PSME3IP1: variants seen among roughly 807,000 people sequenced by gnomAD.
PSME3IP1 encodes the protein proteasome activator subunit 3 interacting protein 1.
PSME3IP1 carries 13 observed loss-of-function variants against 34.1 expected under a neutral mutation model. That is an observed-to-expected ratio of 0.38 (90% CI 0.25 to 0.61). PSME3IP1 has a LOEUF of 0.61. Among genes scored for constraint, PSME3IP1 ranks in the 20% least tolerant of loss-of-function variants. The pLI, the probability that PSME3IP1 is intolerant of heterozygous loss-of-function variation, is 0.60. For missense variants in PSME3IP1, 237 were observed against 301.4 expected (o/e 0.79, Z 1.58); for synonymous variants, 93 against 114.3 (o/e 0.81, Z 1.19).
intron 6 of PSME3IP1, among the ~76,000 whole-genome samples, chr16:57,157,221 G>A (rs2070642003): frequency 6.6e-6 from 1 of 151,196 alleles, no homozygotes; most frequent in Non-Finnish European, 1.5e-5. Context: ...AGGTAGGTAG[G>A]AGGACCACTT....
chr16:57,164,055 C>T lies in PSME3IP1; in HGVS notation c.493G>A (p.Gly165Ser). The T allele has an allele frequency of 1.2e-6, 2 of 1,614,096 alleles. No homozygotes were observed. The highest frequency in any genetic ancestry group is 1.1e-5 in the South Asian group (1 of 91,084). The change falls in exon 6 of 7, where the codon GGC (glycine) becomes AGC (serine). Residue 165 changes from glycine (G) to serine (S), a missense_variant. Gly to Ser is a moderately conservative substitution (Grantham distance 56). Coordinates refer to ENST00000309137, the MANE Select transcript of PSME3IP1 (RefSeq NM_024946.4). ...GAVKHKSSES[G>S]NSVKRLKPDP... ...GGTTTCAGTCTTTTCACACTGTTGC[C>T]ACTCTCTGAGCTGTAACAAAACACA...
At chr16:57,161,960 A>C (rs1231137905) in intron 6 of PSME3IP1, among the ~76,000 whole-genome samples, 90 of 152,148 alleles carry the variant, frequency 5.9e-4, no homozygotes, top group Non-Finnish European at 1.5e-5. Flanking sequence ...GCTGGAGAGC[A>C]ATGGTGCAAT....
chr16:57,156,992 T>G (rs759392110), intron 6 of PSME3IP1, among the ~76,000 whole-genome samples: 1 of 152,160 alleles, frequency 6.6e-6, no homozygotes, highest in Non-Finnish European at 1.5e-5. Flanking sequence ...AGTTAAGTAA[T>G]GGACTACTAT....
intron 1 of PSME3IP1, 41 bp downstream of exon 1, chr16:57,185,780 C>G: frequency 5.1e-6 from 5 of 985,490 alleles, no homozygotes; most frequent in Non-Finnish European, 6.0e-6. Context: ...GAAGCTGGAA[C>G]CCAGGTGTCG....
chr16:57,166,966 G>A (rs2071951010), intron 5 of PSME3IP1, 127 bp downstream of exon 5: 1 of 1,028,410 alleles, frequency 9.7e-7, no homozygotes, highest in Non-Finnish European at 1.5e-6. Flanking sequence ...GGGAGAGATA[G>A]GTGAGCACAC....
At chr16:57,184,842 C>T (rs2074024195) in intron 1 of PSME3IP1, among the ~76,000 whole-genome samples, 1 of 152,222 alleles carries the variant, frequency 6.6e-6, no homozygotes, top group South Asian at 2.1e-4. Flanking sequence ...AATCGGGCAG[C>T]CTCTACTTTC....
intron 1 of PSME3IP1, chr16:57,185,578 C>T: frequency 2.0e-6 from 2 of 985,568 alleles, no homozygotes; most frequent in African/African-American, 1.7e-5. Flanking sequence ...CATTAAACGC[C>T]CGGCAGTGTT....
At chr16:57,186,099 G>C, upstream of PSME3IP1, 1 of 985,522 alleles carries the variant, frequency 1.0e-6, no homozygotes, top group Non-Finnish European at 1.2e-6. Flanking sequence ...CTCCCCGGGA[G>C]CCCGATGGAA....
In PSME3IP1 at chr16:57,182,077, C is replaced by G. The variant is rs2073768318; in HGVS notation, c.-16+3744G>C. ...ACCCTCTAATCCTGCCTGGGTCTTT[C>G]AAGTGACCAGCCCCCATGCTAAAGT... On this transcript the variant is annotated intron_variant, in intron 1 of 6. Transcript: ENST00000309137. Among the ~76,000 whole-genome samples, 4 of 152,286 alleles carry G rather than the reference C, an allele frequency of 2.6e-5. No homozygotes were observed. The South Asian group carries it at 8.3e-4, about 32-fold the overall frequency.
chr16:57,154,164 A>G lies in PSME3IP1; in HGVS notation c.*126T>C. The G allele has an allele frequency of 1.3e-6, 1 of 760,014 alleles. No individual in the cohort carries two copies. The highest frequency in any genetic ancestry group is 1.8e-5 in the South Asian group (1 of 54,324). 47.1% of individuals were successfully genotyped at this position (760,014 alleles called of 1,614,324 possible). A position where few individuals can be genotyped will look rare whatever the true frequency, so the allele number is the denominator to read the frequency against. ...GGCACATTTTTAGATTGGATTGGTT[A>G]AAAATGTCATGTTGTACACAGGATG... is the stretch of plus-strand genomic sequence containing the variant. On this transcript the variant is annotated 3_prime_UTR_variant, in exon 7 of 7. Coordinates refer to ENST00000309137, the MANE Select transcript of PSME3IP1 (RefSeq NM_024946.4). The surrounding 1 kb of genome is among the most constrained non-coding windows in gnomAD (Gnocchi z 4.0).
chr16:57,163,918 T>C, intron 6 of PSME3IP1, 83 bp downstream of exon 6: 1 of 1,336,624 alleles, frequency 7.5e-7, no homozygotes, highest in South Asian at 1.2e-5. Context: ...AATGCATTCA[T>C]TTGCAGAAGC....
chr16:57,167,982 T>G (rs1451446326), intron 4 of PSME3IP1, among the ~76,000 whole-genome samples: 1 of 152,224 alleles, frequency 6.6e-6, no homozygotes, highest in Non-Finnish European at 1.5e-5. Context: ...CTCTCAACTT[T>G]TTACTCTTTT....
intron 1 of PSME3IP1, among the ~76,000 whole-genome samples, chr16:57,184,625 G>A (rs1409813199): frequency 6.6e-6 from 1 of 152,202 alleles, no homozygotes; most frequent in African/African-American, 2.4e-5. Context: ...GACCCTGTAC[G>A]TACATCGCAC....
In PSME3IP1 at chr16:57,182,454, C is replaced by T. The variant is rs1225871909; in HGVS notation, c.-16+3367G>A. Among the ~76,000 whole-genome samples, 10 of 92,758 alleles carry T rather than the reference C, an allele frequency of 1.1e-4. No homozygotes were observed. In the Admixed American group the frequency reaches 1.3e-3, roughly 12 times the overall value. 60.9% of individuals were successfully genotyped at this position (92,758 alleles called of 152,430 possible). Reference sequence around the variant, plus strand: ...TTAAAAACAAAATAAAACAAAAAAACGCAGTCCCAGTTACTCAGGAGGCTG... The same window carrying T: ...TTAAAAACAAAATAAAACAAAAAAATGCAGTCCCAGTTACTCAGGAGGCTG... On this transcript the variant is annotated intron_variant, in intron 1 of 6. Coordinates refer to ENST00000309137, the MANE Select transcript of PSME3IP1 (RefSeq NM_024946.4).
chr16:57,163,280 T>C (rs2071491428), intron 6 of PSME3IP1, among the ~76,000 whole-genome samples: 1 of 152,106 alleles, frequency 6.6e-6, no homozygotes, highest in Non-Finnish European at 1.5e-5. Flanking sequence ...TTTTTAAAAG[T>C]AGGTTCTAGA....
intron 2 of PSME3IP1, among the ~76,000 whole-genome samples, 157 bp downstream of exon 2, chr16:57,173,571 G>A (rs1172784380): frequency 6.6e-6 from 1 of 152,178 alleles, no homozygotes; most frequent in East Asian, 1.9e-4. Flanking sequence ...AGAGGTTGCA[G>A]TGAGCCAAGA....
At chr16:57,183,740 T>C (rs2073925778) in intron 1 of PSME3IP1, among the ~76,000 whole-genome samples, 1 of 152,222 alleles carries the variant, frequency 6.6e-6, no homozygotes, top group Non-Finnish European at 1.5e-5. Flanking sequence ...ATGGATTTCA[T>C]CCTGAGGACT....
Position 57,164,035 on chromosome 16 carries a change from C to G in PSME3IP1, c.513G>C (p.Leu171=), listed in dbSNP as rs200080130. The part of the protein sequence containing the change: ...SSESGNSVKR[L]KPDPEPDDKN... ...TGTCATCTGGCTCAGGGTCCGGTTT[C>G]AGTCTTTTCACACTGTTGCCACTCT... is the stretch of plus-strand genomic sequence containing the variant. Residue 171 remains leucine, a synonymous_variant, in exon 6 of 7, where the codon CTG becomes CTC. Transcript: ENST00000309137. 4.3e-5 allele frequency: 70 copies of G among 1,614,042 alleles called. No individual in the cohort carries two copies. Among genetic ancestry groups the G allele is most frequent in the Non-Finnish European group, 5.5e-5 (65 of 1,180,040 alleles).
Position 57,172,255 on chromosome 16 carries a change from T to C in PSME3IP1, c.344A>G (p.Tyr115Cys), listed in dbSNP as rs569865674. The C allele has an allele frequency of 3.7e-6, 6 of 1,612,798 alleles. No individual in the cohort carries two copies. In the South Asian group the frequency reaches 4.4e-5, roughly 12 times the overall value. Residue 115 changes from tyrosine (Y) to cysteine (C), a missense_variant, in exon 4 of 7, where the codon TAC (tyrosine) becomes TGC (cysteine). Physicochemically the swap from Tyr to Cys is radical, Grantham distance 194. Transcript: ENST00000309137. ...REEELKELKEYRNNLKKVGIS... is the reference protein window; with the variant it reads ...REEELKELKECRNNLKKVGIS... ...TCCTCCAAGTACAAAGGATATTCTG[T>C]ATTCCTTCAGTTCTTTCAGTTCTTC...
Sources: allele counts gnomAD v4.1 joint callset (sites outside exome capture counted in the v4.1 genomes callset), GRCh38; gene constraint gnomAD v4.1.1; non-coding constraint Gnocchi (gnomAD v3.1); transcripts MANE v1.5; gene names NCBI Gene and HGNC (gene_info 2026-07-23, HGNC 2026-07-21).